DDX46: variants seen among roughly 807,000 people sequenced by gnomAD.
The protein encoded by DDX46 is DEAD-box helicase 46.
DDX46 carries 30 observed loss-of-function variants against 134.9 expected under a neutral mutation model. The observed-to-expected ratio is 0.22, with a 90% CI of 0.17 to 0.30. The LOEUF (loss-of-function observed/expected upper bound fraction) is 0.30, where lower values mean the gene tolerates loss of function less well. Ranked by LOEUF, DDX46 falls within the 10% of genes least tolerant of loss-of-function variation. DDX46 has a pLI of 1.00. For synonymous variants in DDX46, 415 were observed against 404.1 expected, an observed-to-expected ratio of 1.03 and a Z score of -0.32; for missense variants, 622 against 1,248.7, an observed-to-expected ratio of 0.50 and a Z score of 7.56.
chr5:134,776,078 C>T (rs190722108), intron 5 of DDX46, among the ~76,000 whole-genome samples: 42 of 152,030 alleles, frequency 2.8e-4, no homozygotes, highest in Non-Finnish European at 4.9e-4. Context: ...ATATGGTAAG[C>T]GGGAGAAAAG....
chr5:134,781,838 AT>A, intron 7 of DDX46, 82 bp from the exon 8 acceptor site: 1 of 1,332,906 alleles, frequency 7.5e-7, no homozygotes, highest in Non-Finnish European at 1.0e-6. Context: ...GGAGAGGAAG[AT>A]TTGAAAAGCT....
At chr5:134,811,474 ATT>A in intron 17 of DDX46, 116 bp downstream of exon 17, 1 of 1,370,326 alleles carries the variant, frequency 7.3e-7, no homozygotes, top group African/African-American at 1.5e-5. Context: ...GACTATTTTT[ATT>A]TCTCTCTAGA....
chr5:134,795,149 G>A (rs1158436501), intron 14 of DDX46, 135 bp downstream of exon 14: 2 of 897,294 alleles, frequency 2.2e-6, no homozygotes, highest in Non-Finnish European at 1.6e-6. Context: ...CTAGCCTTCA[G>A]TATTTTACCA....
intron 9 of DDX46, among the ~76,000 whole-genome samples, chr5:134,783,739 G>A (rs111937604): frequency 6.8e-4 from 103 of 150,802 alleles, no homozygotes; most frequent in African/African-American, 2.3e-3. Flanking sequence ...AGTAGAGACA[G>A]GGTTTCTCCA....
At position 134,790,483 on chromosome 5, in the gene DDX46, T is replaced by C; in HGVS notation, c.1557T>C (p.Asn519=). The C allele has an allele frequency of 1.2e-6, 2 of 1,612,128 alleles. No homozygotes were observed. The highest frequency in any genetic ancestry group is 1.7e-6 in the Non-Finnish European group (2 of 1,179,616). The change falls in exon 13 of 23, where the codon AAT becomes AAC. Residue 519 remains asparagine (N), a synonymous_variant. Transcript: ENST00000452510. ...MLAANSGRVT[N]LRRVTYVVLD... ...TTTTCATCTTAGGTCGGGTCACAAA[T>C]CTTCGAAGAGTGACATATGTTGTTT...
chr5:134,783,005 A>T lies in DDX46; in HGVS notation c.1106A>T (p.Lys369Ile). 6.2e-7 allele frequency: 1 copy of T among 1,613,884 alleles called. No individual in the cohort carries two copies. Among genetic ancestry groups the T allele is most frequent in the Non-Finnish European group, 8.5e-7 (1 of 1,179,838 alleles). The change falls in exon 9 of 23, where the codon AAA becomes ATA. Residue 369 changes from lysine to isoleucine, a missense_variant. This residue lies in a region of DDX46 where 63 missense variants were observed against 84.0 expected (regional missense o/e 0.75). Coordinates refer to ENST00000452510, the MANE Select transcript of DDX46 (RefSeq NM_001300860.2). ...GITVKGKGCP[K>I]PIKSWVQCGI... ...ACAGTTAAAGGAAAAGGTTGCCCCA[A>T]ACCAATTAAATCCTGGGTCCAGTGT... is the stretch of plus-strand genomic sequence containing the variant.
chr5:134,790,387 T>C, intron 12 of DDX46, 83 bp from the exon 13 acceptor site: 1 of 1,285,872 alleles, frequency 7.8e-7, no homozygotes, highest in Non-Finnish European at 1.1e-6. Flanking sequence ...CCTTTACAGT[T>C]TTTAAAAGTT....
chr5:134,820,850 T>A (rs1381877260), intron 21 of DDX46, among the ~76,000 whole-genome samples: 1 of 148,106 alleles, frequency 6.8e-6, no homozygotes, highest in Non-Finnish European at 1.5e-5. Context: ...TAGAGTAATC[T>A]TTTCTTTTCT....
chr5:134,809,523 A>G (rs1755079893), intron 16 of DDX46, among the ~76,000 whole-genome samples: 1 of 151,842 alleles, frequency 6.6e-6, no homozygotes, highest in South Asian at 2.1e-4. Flanking sequence ...GTGTGCCACC[A>G]CGCCTGGCTA....
At chr5:134,763,135 A>T (rs550799166) in intron 1 of DDX46, among the ~76,000 whole-genome samples, 51 of 152,158 alleles carry the variant, frequency 3.4e-4, no homozygotes, top group Non-Finnish European at 6.3e-4. Context: ...GGGAGGCTGA[A>T]GTGGGAGGAT....
At chr5:134,760,180 A>G (rs1442271332) in intron 1 of DDX46, among the ~76,000 whole-genome samples, 1 of 152,158 alleles carries the variant, frequency 6.6e-6, no homozygotes, top group East Asian at 1.9e-4. Context: ...ATTGGTTTCT[A>G]CTGCTTCCAA....
intron 5 of DDX46, among the ~76,000 whole-genome samples, chr5:134,776,045 G>A (rs1260599837): frequency 6.6e-6 from 1 of 152,122 alleles, no homozygotes; most frequent in African/African-American, 2.4e-5. Flanking sequence ...TATGCTTTAT[G>A]TATTGAATAC....
At chr5:134,774,485 T>C (rs1284871679) in intron 5 of DDX46, among the ~76,000 whole-genome samples, 1 of 152,216 alleles carries the variant, frequency 6.6e-6, no homozygotes, top group Non-Finnish European at 1.5e-5. Context: ...AGAAGTGGAA[T>C]TGAGATTGTA....
At chr5:134,813,142 A>G (rs552451069) in intron 18 of DDX46, among the ~76,000 whole-genome samples, 24 of 151,898 alleles carry the variant, frequency 1.6e-4, no homozygotes, top group Non-Finnish European at 1.5e-4. Flanking sequence ...ACAGGGTTTC[A>G]CCATGTTGGC....
intron 16 of DDX46, among the ~76,000 whole-genome samples, chr5:134,808,156 C>T (rs560649998): frequency 3.9e-5 from 6 of 152,140 alleles, no homozygotes; most frequent in Non-Finnish European, 8.8e-5. Flanking sequence ...GTAGGCAGAT[C>T]CTGTTAACAG....
rs1417512082 is a variant in DDX46, at chr5:134,817,666, A to G, written c.2784A>G (p.Glu928=). ...EEERQDGGQN[E]SFKRYEEELE... ...AGAGACAGGATGGTGGACAGAATGA[A>G]TCTTTTAAGAGATATGAAGAAGAAT... Residue 928 remains glutamate (E), a synonymous_variant, in exon 20 of 23, where the codon GAA becomes GAG. Transcript: ENST00000452510. 1 of 1,614,180 alleles carries G rather than the reference A, an allele frequency of 6.2e-7. No individual in the cohort carries two copies. Among genetic ancestry groups the G allele is most frequent in the East Asian group, 2.2e-5 (1 of 44,876 alleles).
chr5:134,777,955 G>T, intron 6 of DDX46: 1 of 398,714 alleles, frequency 2.5e-6, no homozygotes, highest in Non-Finnish European at 4.4e-6. Flanking sequence ...TGATATCTTT[G>T]CTTACATATT....
At chr5:134,792,821 A>C (rs535875591) in intron 13 of DDX46, among the ~76,000 whole-genome samples, 1 of 152,334 alleles carries the variant, frequency 6.6e-6, no homozygotes, top group East Asian at 1.9e-4. Context: ...GTATAAGTAC[A>C]TGAGAGAGAA....
intron 21 of DDX46, among the ~76,000 whole-genome samples, chr5:134,820,866 T>C (rs1755424791): frequency 1.4e-5 from 2 of 140,984 alleles, no homozygotes; most frequent in Admixed American, 7.0e-5. Context: ...TTTCTTTTCT[T>C]TTTTTTTTTT....
Sources: allele counts gnomAD v4.1 joint callset (sites outside exome capture counted in the v4.1 genomes callset), GRCh38; gene constraint gnomAD v4.1.1; regional missense constraint gnomAD v4.1.1; transcripts MANE v1.5; gene names NCBI Gene and HGNC (gene_info 2026-07-23, HGNC 2026-07-21).